ALDH1A2: variants seen among roughly 807,000 people sequenced by gnomAD.
ALDH1A2 encodes the protein aldehyde dehydrogenase 1 family member A2.
ALDH1A2 carries 27 observed loss-of-function variants against 60.3 expected under a neutral mutation model. The observed-to-expected ratio is 0.45, with a 90% CI of 0.33 to 0.62. ALDH1A2 has a LOEUF of 0.62. Among genes scored for constraint, ALDH1A2 ranks in the 20% least tolerant of loss-of-function variants. ALDH1A2 has a pLI of 0.02. For missense variants in ALDH1A2, 581 were observed against 643.8 expected (o/e 0.90, Z 1.06); for synonymous variants, 289 against 232.4 (o/e 1.24, Z -2.21).
intron 1 of ALDH1A2, among the ~76,000 whole-genome samples, chr15:58,026,863 G>T (rs1323628405): frequency 1.3e-5 from 2 of 152,200 alleles, no homozygotes; most frequent in Non-Finnish European, 2.9e-5. Context: ...AAACAAAGTG[G>T]CCAGAAGATT....
chr15:58,027,742 C>T (rs559730993), intron 1 of ALDH1A2, among the ~76,000 whole-genome samples: 6 of 151,986 alleles, frequency 3.9e-5, no homozygotes, highest in East Asian at 1.9e-4. Context: ...ACCAGAACTT[C>T]GTAATGCACA....
At chr15:57,956,017 G>T (rs774408366) in intron 12 of ALDH1A2, among the ~76,000 whole-genome samples, 2 of 152,106 alleles carry the variant, frequency 1.3e-5, no homozygotes, top group Non-Finnish European at 2.9e-5. Context: ...CGTCCTCTCT[G>T]TTCACAGAGC....
intron 1 of ALDH1A2, among the ~76,000 whole-genome samples, chr15:58,038,109 A>C (rs570417916): frequency 1.8e-3 from 275 of 151,366 alleles, no homozygotes; most frequent in African/African-American, 6.1e-3. Context: ...GTCTCTTCCT[A>C]CTAACACCCT....
chr15:58,010,304 G>A (rs143040214), intron 4 of ALDH1A2, among the ~76,000 whole-genome samples: 49 of 152,094 alleles, frequency 3.2e-4, no homozygotes, highest in Non-Finnish European at 6.2e-4. Context: ...TCTTAACCTC[G>A]TTGGAATTTT....
chr15:57,961,978 G>A (rs764213118), intron 10 of ALDH1A2, 34 bp downstream of exon 10: 1 of 1,613,334 alleles, frequency 6.2e-7, no homozygotes, highest in African/African-American at 1.3e-5. Context: ...TCCCAAGAAA[G>A]ATGTGGCTTT....
chr15:57,988,457 C>A (rs1894785977), intron 7 of ALDH1A2, among the ~76,000 whole-genome samples: 1 of 152,134 alleles, frequency 6.6e-6, no homozygotes, highest in African/African-American at 2.4e-5. Context: ...CCGACCATAT[C>A]ATTAATACAT....
intron 7 of ALDH1A2, among the ~76,000 whole-genome samples, chr15:57,977,499 T>C (rs1239709568): frequency 6.6e-6 from 1 of 152,082 alleles, no homozygotes; most frequent in East Asian, 1.9e-4. Context: ...TTTTGTTAGG[T>C]TTGTCAAAGA....
At position 58,019,768 on chromosome 15, in the gene ALDH1A2, C is replaced by T. The variant is rs182676650; in HGVS notation, c.118-5487G>A. Reference sequence around the variant, plus strand: ...TGATAGGCACTTAGCTAACATTAACCAAAATGGAATGTCTGCTGAGAGAGG... The same window carrying T: ...TGATAGGCACTTAGCTAACATTAACTAAAATGGAATGTCTGCTGAGAGAGG... On this transcript the variant is annotated intron_variant, in intron 1 of 12. Coordinates refer to ENST00000249750, the MANE Select transcript of ALDH1A2 (RefSeq NM_003888.4). Among the ~76,000 whole-genome samples the T allele has an allele frequency of 2.4e-3, 358 of 152,218 alleles. 2 individuals are homozygous for T. The highest frequency in any genetic ancestry group is 8.3e-3 in the African/African-American group (346 of 41,526).
intron 7 of ALDH1A2, among the ~76,000 whole-genome samples, chr15:57,992,209 A>G (rs574168604): frequency 1.3e-5 from 2 of 152,306 alleles, no homozygotes; most frequent in South Asian, 4.1e-4. Context: ...TGCAACAGAG[A>G]CCACGTTGCC....
chr15:57,987,893 A>AG, intron 7 of ALDH1A2, among the ~76,000 whole-genome samples: 1 of 151,992 alleles, frequency 6.6e-6, no homozygotes, highest in East Asian at 1.9e-4. Context: ...AAAAAAAAAA[A>AG]AAAAAAAGGT....
rs16977887 is a variant in ALDH1A2 at position 57,997,533 on chromosome 15, T to A, written c.494-2394A>T. Among the ~76,000 whole-genome samples the A allele has an allele frequency of 6.1e-3, 926 of 151,934 alleles. 5 individuals carry two copies. Among genetic ancestry groups the A allele is most frequent in the African/African-American group, 0.021 (888 of 41,462 alleles). On this transcript the variant is annotated intron_variant, in intron 4 of 12. Coordinates refer to ENST00000249750, the MANE Select transcript of ALDH1A2 (RefSeq NM_003888.4). ...CACGTGTTTATTTTAGCAGCACATG[T>A]AGGAACCTGGAATGGTTCAGAAAAA...
chr15:58,020,909 AT>A (rs1566951311), intron 1 of ALDH1A2, among the ~76,000 whole-genome samples: 2 of 152,024 alleles, frequency 1.3e-5, no homozygotes, highest in Non-Finnish European at 2.9e-5. Flanking sequence ...TACCTTTATA[AT>A]TTTCGGGGTA....
chr15:58,043,044 G>T (rs1001877857), intron 1 of ALDH1A2, among the ~76,000 whole-genome samples: 2 of 151,930 alleles, frequency 1.3e-5, no homozygotes, highest in Admixed American at 6.6e-5. Flanking sequence ...AGGAGGAAAA[G>T]GAAGAGGTGA....
intron 7 of ALDH1A2, among the ~76,000 whole-genome samples, chr15:57,979,118 C>A (rs1894387580): frequency 6.6e-6 from 1 of 152,064 alleles, no homozygotes; most frequent in Non-Finnish European, 1.5e-5. Context: ...ACAGGCCTCA[C>A]TTTCCCCACT....
At chr15:58,025,163 A>G (rs1402703743) in intron 1 of ALDH1A2, among the ~76,000 whole-genome samples, 3 of 152,142 alleles carry the variant, frequency 2.0e-5, no homozygotes, top group Admixed American at 6.5e-5. Flanking sequence ...CCAAATTAGC[A>G]GAAGAAAATA....
At chr15:57,964,605 G>A (rs1437544646) in intron 8 of ALDH1A2, 1 of 157,018 alleles carries the variant, frequency 6.4e-6, no homozygotes, top group East Asian at 1.9e-4. Context: ...ACAGGGCCTT[G>A]GGGCTGTATG....
intron 3 of ALDH1A2, among the ~76,000 whole-genome samples, chr15:58,012,581 A>C (rs1895664585): frequency 6.6e-6 from 1 of 152,188 alleles, no homozygotes; most frequent in Non-Finnish European, 1.5e-5. Context: ...CTTCACCATG[A>C]AACACCTTTT....
At chr15:58,053,221 T>C (rs1352933251) in intron 1 of ALDH1A2, among the ~76,000 whole-genome samples, 2 of 152,162 alleles carry the variant, frequency 1.3e-5, no homozygotes, top group African/African-American at 4.8e-5. Flanking sequence ...AAATGCCACA[T>C]TTAAAATGCT....
Position 57,955,230 on chromosome 15 carries a change from C to T in ALDH1A2, c.1524G>A (p.Thr508=), listed in dbSNP as rs780202986. 1.8e-5 allele frequency: 29 copies of T among 1,613,928 alleles called. No homozygotes were observed. The highest frequency in any genetic ancestry group is 6.6e-5 in the South Asian group (6 of 91,076). The change falls in exon 13 of 13, where the codon ACG becomes ACA. Residue 508 remains threonine (T), a synonymous_variant. Transcript: ENST00000249750. ...TCTTCTGGGGGATCTTTACTGTCACCGTCTTAACTTCTGAGTACTCCCGCA... is the reference window on the plus strand; with the variant it reads ...TCTTCTGGGGGATCTTTACTGTCACTGTCTTAACTTCTGAGTACTCCCGCA... ...FGLREYSEVK[T]VTVKIPQKNS is the part of the protein sequence containing the mutation.
Sources: gnomAD v4.1 joint callset for allele counts (sites outside exome capture counted in the v4.1 genomes callset) on GRCh38, gnomAD v4.1.1 for gene constraint, MANE v1.5 for transcripts, NCBI Gene and HGNC (gene_info 2026-07-23, HGNC 2026-07-21) for gene names.